The following YARS2 variants were observed in gnomAD, a reference collection of about 807,000 sequenced individuals.
The protein encoded by YARS2 is tyrosyl-tRNA synthetase 2, also known as tyrosine--tRNA ligase, mitochondrial.
Under a neutral mutation model 45.0 loss-of-function variants are expected in YARS2, and 38 were observed. The observed-to-expected ratio is 0.84, with a 90% confidence interval of 0.65 to 1.11. The LOEUF (loss-of-function observed/expected upper bound fraction) is 1.11, where lower values mean the gene tolerates loss of function less well. YARS2 is among the 50% of genes least tolerant of loss of function. YARS2 has a pLI of 0.00. For synonymous variants in YARS2, 287 were observed against 245.1 expected (o/e 1.17, Z -1.60); for missense variants, 602 against 599.8 (o/e 1.00, Z -0.04).
chr12:32,747,673 G>A (rs922537567), intron 4 of YARS2, among the ~76,000 whole-genome samples: 11 of 152,246 alleles, frequency 7.2e-5, no homozygotes, highest in East Asian at 5.8e-4. Context: ...GAGTAGCTGC[G>A]ATTACAGGTG....
chr12:32,755,820 T>G lies in YARS2; in HGVS notation c.55A>C (p.Asn19His), dbSNP rs1955837589. 1 of 1,613,290 alleles carries G rather than the reference T, an allele frequency of 6.2e-7. No homozygotes were observed. Among genetic ancestry groups the G allele is most frequent in the African/African-American group, 1.3e-5 (1 of 74,876 alleles). ...CCCAAGGGCAACAATACTGAGAGAT[T>G]TAGGGTACCAGACCACCGGCCCCAG... Reference protein sequence around the residue: ...FSWGRWSGTLNLSVLLPLGLR... With the variant: ...FSWGRWSGTLHLSVLLPLGLR... The change falls in exon 1 of 5, where the codon AAT becomes CAT. Residue 19 changes from asparagine (N) to histidine (H), a missense_variant. Physicochemically the swap from Asn to His is moderately conservative, Grantham distance 68. Coordinates refer to ENST00000324868, the MANE Select transcript of YARS2 (RefSeq NM_001040436.3).
At chr12:32,748,214 C>T (rs1391068430) in intron 4 of YARS2, among the ~76,000 whole-genome samples, 1 of 151,978 alleles carries the variant, frequency 6.6e-6, no homozygotes, top group African/African-American at 2.4e-5. Flanking sequence ...TACGTCCTTG[C>T]CCACACAGAT....
intron 1 of YARS2, among the ~76,000 whole-genome samples, chr12:32,754,517 A>T (rs1490423774): frequency 1.3e-5 from 2 of 152,172 alleles, no homozygotes; most frequent in East Asian, 3.9e-4. Context: ...TTGGAGTTGA[A>T]AAAACTTTTT....
At chr12:32,754,167 T>C (rs1592713531) in intron 1 of YARS2, 82 bp from the exon 2 acceptor site, 1 of 1,556,168 alleles carries the variant, frequency 6.4e-7, no homozygotes, top group Non-Finnish European at 8.9e-7. Flanking sequence ...GATTTCTTTC[T>C]GGTTACTTGC....
Position 32,755,841 on chromosome 12 carries a change from C to G in YARS2, c.34G>C (p.Gly12Arg), listed in dbSNP as rs543800729. 6.9e-5 allele frequency: 112 copies of G among 1,613,322 alleles called. No homozygotes were observed. Among genetic ancestry groups the G allele is most frequent in the Middle Eastern group, 1.6e-4 (1 of 6,062 alleles). ...AAPILRSFSW[G>R]RWSGTLNLSV... ...AGATTTAGGGTACCAGACCACCGGC[C>G]CCAGGAAAAGGACCGCAAGATGGGC... The change falls in exon 1 of 5, where the codon GGC (glycine) becomes CGC (arginine). Residue 12 changes from glycine (G) to arginine (R), a missense_variant. Transcript: ENST00000324868.
chr12:32,749,321 G>A (rs973277422), intron 4 of YARS2, among the ~76,000 whole-genome samples: 4 of 152,090 alleles, frequency 2.6e-5, no homozygotes, highest in African/African-American at 7.2e-5. Flanking sequence ...TCCCTAAGCC[G>A]TACACTGATG....
At chr12:32,754,953 A>C in intron 1 of YARS2, 143 bp downstream of exon 1, 2 of 1,020,054 alleles carry the variant, frequency 2.0e-6, no homozygotes. Flanking sequence ...AGTGTTATTA[A>C]CGCCATTATA....
At chr12:32,747,452 G>T in intron 4 of YARS2, 89 bp from the exon 5 acceptor site, 1 of 1,373,676 alleles carries the variant, frequency 7.3e-7, no homozygotes, top group Non-Finnish European at 1.0e-6. Context: ...GATTTCAGAG[G>T]CTCTCCAATT....
rs537391069 is a variant in YARS2 at position 32,754,140 on chromosome 12, C to T, written c.780-55G>A. 5.6e-6 allele frequency: 9 copies of T among 1,601,912 alleles called. No individual in the cohort carries two copies. In the South Asian group the frequency reaches 7.7e-5, roughly 14 times the overall value. On this transcript the variant is annotated intron_variant, in intron 1 of 4. Transcript: ENST00000324868. Reference sequence around the variant, plus strand: ...CCTCAAGCACAAGTGGTGGTAGGTTCTACTGTTCACCTTCCAGATTTCTTT... The same window carrying T: ...CCTCAAGCACAAGTGGTGGTAGGTTTTACTGTTCACCTTCCAGATTTCTTT...
At chr12:32,755,063 C>G (rs188220316) in intron 1 of YARS2, 33 bp downstream of exon 1, 1 of 1,613,786 alleles carries the variant, frequency 6.2e-7, no homozygotes, top group East Asian at 2.2e-5. Context: ...ATTATTTGGT[C>G]CCAGGATTTC....
At chr12:32,754,874 C>T (rs1955817311) in intron 1 of YARS2, among the ~76,000 whole-genome samples, 1 of 151,890 alleles carries the variant, frequency 6.6e-6, no homozygotes, top group South Asian at 2.1e-4. Flanking sequence ...ATCACCACGC[C>T]CAGCTAATTT....
Position 32,755,623 on chromosome 12 carries a change from T to G in YARS2, c.252A>C (p.Ala84=), listed in dbSNP as rs763273702. ...QTIYCGFDPT[A]DSLHVGHLLA... The stretch of plus-strand genomic sequence containing the variant: ...GTAGATGACCCACATGAAGCGAGTC[T>G]GCCGTGGGGTCGAAGCCACAGTAAA... The change falls in exon 1 of 5, where the codon GCA becomes GCC. Residue 84 remains alanine (A), a synonymous_variant. Coordinates refer to ENST00000324868, the MANE Select transcript of YARS2 (RefSeq NM_001040436.3). 3.7e-6 allele frequency: 6 copies of G among 1,614,140 alleles called. No individual in the cohort carries two copies. In the Admixed American group the frequency reaches 6.7e-5, roughly 18 times the overall value.
chr12:32,754,287 C>A (rs1288549016), intron 1 of YARS2, among the ~76,000 whole-genome samples: 6 of 152,122 alleles, frequency 3.9e-5, no homozygotes, highest in African/African-American at 1.4e-4. Flanking sequence ...CAGGCAGGTT[C>A]TAGGCAGGCC....
At chr12:32,748,600 G>T (rs1955684178) in intron 4 of YARS2, among the ~76,000 whole-genome samples, 1 of 152,186 alleles carries the variant, frequency 6.6e-6, no homozygotes, top group Non-Finnish European at 1.5e-5. Flanking sequence ...CTTCCATAGT[G>T]AGGAAAATTA....
intron 2 of YARS2, among the ~76,000 whole-genome samples, chr12:32,751,286 T>C (rs1472899287): frequency 6.6e-6 from 1 of 152,108 alleles, no homozygotes; most frequent in Non-Finnish European, 1.5e-5. Context: ...CAGGCTGGTC[T>C]CAAACTCCTG....
intron 1 of YARS2, among the ~76,000 whole-genome samples, chr12:32,754,861 T>A (rs553386362): frequency 6.6e-6 from 1 of 152,140 alleles, no homozygotes; most frequent in African/African-American, 2.4e-5. Flanking sequence ...ATTACAGGCG[T>A]GCATCACCAC....
chr12:32,755,037 G>C (rs912328469), intron 1 of YARS2, 59 bp downstream of exon 1: 5 of 1,603,156 alleles, frequency 3.1e-6, no homozygotes. Context: ...GTGAATCACA[G>C]GCTACTAGTG....
At chr12:32,747,389 T>C (rs1184605131) in intron 4 of YARS2, 26 bp from the exon 5 acceptor site, 6 of 1,611,166 alleles carry the variant, frequency 3.7e-6, no homozygotes, top group Non-Finnish European at 5.1e-6. Context: ...GTTTAGTAAG[T>C]AGAGAGATCC....
Position 32,755,742 on chromosome 12 carries a change from G to A in YARS2, c.133C>T (p.Arg45Ter), listed in dbSNP as rs1323337919. The A allele has an allele frequency of 6.2e-7, 1 of 1,614,038 alleles. No homozygotes were observed. Among genetic ancestry groups the A allele is most frequent in the South Asian group, 1.1e-5 (1 of 91,090 alleles). The change falls in exon 1 of 5, where the codon CGA (arginine) becomes TGA (stop). Residue 45 changes from arginine (R) to a stop codon, truncating the protein, a stop_gained. Transcript: ENST00000324868. LOFTEE classifies it high-confidence loss of function. ...GGGAAGAAGTCCTTGAACAGACCTC[G>A]AGCCTTCTGCGCTGCCAGTAACCCC... is the stretch of plus-strand genomic sequence containing the variant. ...AQGLLAAQKA[R>*]GLFKDFFPET...
Sources: gnomAD v4.1 joint callset for allele counts (sites outside exome capture counted in the v4.1 genomes callset) on GRCh38, gnomAD v4.1.1 for gene constraint, MANE v1.5 for transcripts, NCBI Gene and HGNC (gene_info 2026-07-23, HGNC 2026-07-21) for gene names.